The following SLA variants were observed in gnomAD, a reference collection of about 807,000 sequenced individuals.
SLA encodes src-like-adapter.
SLA carries 16 observed loss-of-function variants against 30.3 expected under a neutral mutation model. That is an observed-to-expected ratio of 0.53 (90% CI 0.36 to 0.80). The LOEUF (loss-of-function observed/expected upper bound fraction) is 0.80. Among genes scored for constraint, SLA ranks in the 30% least tolerant of loss-of-function variants. The probability of loss-of-function intolerance (pLI) is 0.01; values close to 1 mark genes in which losing one functional copy is unlikely to be tolerated. For synonymous variants in SLA, 143 were observed against 137.8 expected, an observed-to-expected ratio of 1.04 and a Z score of -0.26; for missense variants, 310 against 345.2, an observed-to-expected ratio of 0.90 and a Z score of 0.81.
intron 5 of SLA, chr8:133,049,149 C>A: frequency 2.2e-6 from 1 of 456,396 alleles, no homozygotes; most frequent in Non-Finnish European, 4.4e-6. Flanking sequence ...GGCTCCAAAG[C>A]CACCCAGGAG....
chr8:133,038,963 T>A (rs546708671), intron 8 of SLA, among the ~76,000 whole-genome samples: 1 of 152,220 alleles, frequency 6.6e-6, no homozygotes, highest in Admixed American at 6.5e-5. Flanking sequence ...CTGCAACCTC[T>A]GCCTCCCAGG....
In SLA at chr8:133,069,933, G is replaced by T. The variant is rs1843701415; in HGVS notation, c.-41+4920C>A. Among the ~76,000 whole-genome samples, 2 of 145,000 alleles carry T rather than the reference G, an allele frequency of 1.4e-5. 1 individual carries two copies. Among genetic ancestry groups the T allele is most frequent in the South Asian group, 4.6e-4 (2 of 4,356 alleles). The stretch of plus-strand genomic sequence containing the variant: ...GGAGAAATGCTTGAACCCAGGAGAT[G>T]GAGGTTGCAGTGAGCCGAGATTGTG... On this transcript the variant is annotated intron_variant, in intron 2 of 8. Transcript: ENST00000338087.
At chr8:133,057,471 G>C (rs1841653474) in intron 3 of SLA, among the ~76,000 whole-genome samples, 1 of 152,194 alleles carries the variant, frequency 6.6e-6, no homozygotes, top group African/African-American at 2.4e-5. Flanking sequence ...ACCTGGTGCA[G>C]TCAGGTAACC....
intron 2 of SLA, among the ~76,000 whole-genome samples, chr8:133,067,020 T>G (rs1467756438): frequency 1.3e-5 from 2 of 152,172 alleles, no homozygotes; most frequent in Non-Finnish European, 2.9e-5. Flanking sequence ...GCCGTGACTG[T>G]ACCCAGTACC....
chr8:133,073,652 G>C (rs1844414170), intron 2 of SLA, among the ~76,000 whole-genome samples: 1 of 152,286 alleles, frequency 6.6e-6, no homozygotes, highest in Non-Finnish European at 1.5e-5. Context: ...TAGACTTGCA[G>C]CTCAGCATCT....
chr8:133,062,902 G>A (rs185902802), intron 2 of SLA, among the ~76,000 whole-genome samples: 2 of 151,936 alleles, frequency 1.3e-5, no homozygotes, highest in African/African-American at 4.8e-5. Flanking sequence ...GCTCTGCTAC[G>A]CACAGGCCTT....
chr8:133,038,246 A>T lies in SLA; in HGVS notation c.*278T>A. 1 of 461,548 alleles carries T rather than the reference A, an allele frequency of 2.2e-6. No homozygotes were observed. The highest frequency in any genetic ancestry group is 3.6e-5 in the Admixed American group (1 of 27,722). The allele number at this position is 461,548 out of a possible 1,614,324, so 28.6% of individuals were successfully genotyped here. A position where few individuals can be genotyped will look rare whatever the true frequency, so the allele number is the denominator to read the frequency against. On this transcript the variant is annotated 3_prime_UTR_variant, in exon 9 of 9. Transcript: ENST00000338087. ...TGGCTTTGTCCTTCCCACACACACAATGTGTGCATACATACATGCTGGGCT... is the reference window on the plus strand; with the variant it reads ...TGGCTTTGTCCTTCCCACACACACATTGTGTGCATACATACATGCTGGGCT...
chr8:133,075,032 G>A lies in SLA; in HGVS notation c.-220C>T, dbSNP rs1844648419. On this transcript the variant is annotated 5_prime_UTR_variant, in exon 2 of 9. Transcript: ENST00000338087. ...AAGAACTGCAGTTGCTAAACTGGCC[G>A]CATACTTCCTCTGCTAGGAACGAGG... 3.0e-6 allele frequency: 3 copies of A among 985,328 alleles called. No homozygotes were observed. The highest frequency in any genetic ancestry group is 1.7e-5 in the African/African-American group (1 of 57,242). 61.0% of individuals were successfully genotyped at this position (985,328 alleles called of 1,614,324 possible).
chr8:133,052,395 C>A (rs1285390647), intron 3 of SLA, among the ~76,000 whole-genome samples: 1 of 152,078 alleles, frequency 6.6e-6, no homozygotes, highest in Non-Finnish European at 1.5e-5. Context: ...AGACAGAAAC[C>A]AAGAGTGATC....
chr8:133,102,224 G>C (rs546686473), intron 1 of SLA, among the ~76,000 whole-genome samples: 74 of 152,284 alleles, frequency 4.9e-4, no homozygotes, highest in Non-Finnish European at 9.1e-4. Flanking sequence ...GCTGACCTGA[G>C]ACCAATTTTC....
Position 133,089,450 on chromosome 8 carries a change from T to C in SLA, c.-319+13103A>G, listed in dbSNP as rs930842098. 5.3e-5 allele frequency among the ~76,000 whole-genome samples: 8 copies of C among 152,318 alleles called. No individual in the cohort carries two copies. In the East Asian group the frequency reaches 1.5e-3, roughly 29 times the overall value. On this transcript the variant is annotated intron_variant, in intron 1 of 8. Transcript: ENST00000338087. ...AGTGACAGGAAATTCCCAAGCCCTT[T>C]CTGTAATACCCCATTTAAAAGCCTT...
rs1433595611 is a variant in SLA at position 133,060,174 on chromosome 8, C to T, written c.-14G>A. On this transcript the variant is annotated 5_prime_UTR_variant, in exon 3 of 9. Coordinates refer to ENST00000338087, the MANE Select transcript of SLA (RefSeq NM_001045556.3). ...GCTGTTTCCCATTTCTTTCTTTTTC[C>T]CTGGGGCCGCTGGTGATGCCCAGAG... 3 of 1,612,056 alleles carry T rather than the reference C, an allele frequency of 1.9e-6. No individual in the cohort carries two copies. In the African/African-American group the frequency reaches 4.0e-5, roughly 22 times the overall value.
At chr8:133,085,374 A>C (rs761264795) in intron 1 of SLA, among the ~76,000 whole-genome samples, 3 of 152,242 alleles carry the variant, frequency 2.0e-5, no homozygotes, top group African/African-American at 4.8e-5. Flanking sequence ...ACAATTTAAA[A>C]AATTCTGTGC....
At chr8:133,052,099 G>A (rs1462132529) in intron 3 of SLA, among the ~76,000 whole-genome samples, 1 of 152,144 alleles carries the variant, frequency 6.6e-6, no homozygotes, top group African/African-American at 2.4e-5. Context: ...GCCCAAACAA[G>A]CCACTTTCTA....
At position 133,060,124 on chromosome 8, in the gene SLA, C is replaced by A. The variant is rs376259266; in HGVS notation, c.37G>T (p.Glu13Ter). ...NSMKSTPAPA[E>*]RPLPNPEGLD... ...CCCTCCGGGTTGGGCAGGGGCCTCT[C>A]GGCAGGCGCAGGGGTGGATTTCATG... Residue 13 changes from glutamate (E) to a stop codon, truncating the protein, a stop_gained, in exon 3 of 9, where the codon GAG becomes TAG. Transcript: ENST00000338087. LOFTEE classifies it high-confidence loss of function. 1 of 1,607,794 alleles carries A rather than the reference C, an allele frequency of 6.2e-7. No homozygotes were observed. Among genetic ancestry groups the A allele is most frequent in the Admixed American group, 1.7e-5 (1 of 57,772 alleles).
chr8:133,094,614 G>T (rs995940006), intron 1 of SLA: 57 of 276,138 alleles, frequency 2.1e-4, no homozygotes, highest in African/African-American at 1.2e-3. Context: ...TTAAAGTCCA[G>T]CTCCATCTTA....
intron 1 of SLA, among the ~76,000 whole-genome samples, chr8:133,097,101 A>C (rs897251303): frequency 6.6e-6 from 1 of 152,240 alleles, no homozygotes; most frequent in Non-Finnish European, 1.5e-5. Context: ...TAAAGCACAA[A>C]GAGAGGACAA....
intron 1 of SLA, among the ~76,000 whole-genome samples, chr8:133,088,940 G>A (rs1248823815): frequency 6.6e-6 from 1 of 152,188 alleles, no homozygotes; most frequent in Admixed American, 6.5e-5. Flanking sequence ...AAACTTGGAT[G>A]TTTAAAAAAA....
At position 133,039,962 on chromosome 8, in the gene SLA, CACACACACACACACACAT is replaced by C; in HGVS notation, c.617+18_617+35del. On this transcript the variant is annotated intron_variant, in intron 8 of 8. Coordinates refer to ENST00000338087, the MANE Select transcript of SLA (RefSeq NM_001045556.3). Reference sequence around the variant, plus strand: ...CACAGAGCACTTGCATGCACACACACACACACACACACACACATACACACACCATACTCACCTGGACAC... The same window carrying C: ...CACAGAGCACTTGCATGCACACACACACACACACCATACTCACCTGGACAC... 6.6e-7 allele frequency: 1 copy of C among 1,525,958 alleles called. No individual in the cohort carries two copies. Among genetic ancestry groups the C allele is most frequent in the Non-Finnish European group, 8.8e-7 (1 of 1,135,842 alleles). The allele number at this position is 1,525,958 out of a possible 1,614,324, so 94.5% of individuals were successfully genotyped here.
Sources: allele counts gnomAD v4.1 joint callset (sites outside exome capture counted in the v4.1 genomes callset), GRCh38; gene constraint gnomAD v4.1.1; transcripts MANE v1.5; gene names NCBI Gene and HGNC (gene_info 2026-07-23, HGNC 2026-07-21).